PAMR1: variants seen among roughly 807,000 people sequenced by gnomAD.
The protein encoded by PAMR1 is peptidase domain containing associated with muscle regeneration 1.
Under a neutral mutation model 81.8 loss-of-function variants are expected in PAMR1, and 88 were observed. The ratio of observed to expected loss-of-function variants is 1.08; its 90% confidence interval spans 0.91 to 1.28. PAMR1 has a LOEUF of 1.28. PAMR1 is among the 50% of genes most tolerant of loss of function. The pLI, the probability that PAMR1 is intolerant of heterozygous loss-of-function variation, is 0.00. For synonymous variants in PAMR1, 336 were observed against 345.3 expected (o/e 0.97, Z 0.30); for missense variants, 935 against 919.7 (o/e 1.02, Z -0.21).
At chr11:35,487,707 C>T (rs754905631) in intron 3 of PAMR1, among the ~76,000 whole-genome samples, 4 of 152,214 alleles carry the variant, frequency 2.6e-5, no homozygotes, top group African/African-American at 9.6e-5. Flanking sequence ...CTCCCTACTT[C>T]CCAGAGAAAA....
rs1421578431 is a variant in PAMR1 at position 35,468,084 on chromosome 11, T to C, written c.737A>G (p.His246Arg). The change falls in exon 6 of 11, where the codon CAT (histidine) becomes CGT (arginine). Residue 246 changes from histidine to arginine, a missense_variant. Coordinates refer to ENST00000619888, the MANE Select transcript of PAMR1 (RefSeq NM_001001991.3). ...ITACSSSPCF[H>R]DGTCVLDKAG... ...CTTGTCAAGGACGCACGTGCCGTCA[T>C]GGAAACAAGGGGATGAGGAGCATGC... The C allele has an allele frequency of 3.2e-6, 5 of 1,554,434 alleles. No individual in the cohort carries two copies. Among genetic ancestry groups the C allele is most frequent in the Non-Finnish European group, 4.4e-6 (5 of 1,147,984 alleles).
intron 1 of PAMR1, among the ~76,000 whole-genome samples, chr11:35,504,298 G>T (rs1268860840): frequency 6.6e-6 from 1 of 152,002 alleles, no homozygotes; most frequent in Non-Finnish European, 1.5e-5. Flanking sequence ...GAAGTTATTT[G>T]CATCTGGGCT....
chr11:35,495,928 T>G (rs1287460921), intron 1 of PAMR1, among the ~76,000 whole-genome samples: 1 of 152,216 alleles, frequency 6.6e-6, no homozygotes, highest in African/African-American at 2.4e-5. Flanking sequence ...TTTAAATCAT[T>G]TTTCCACAAA....
At chr11:35,455,986 A>G (rs1413163877) in intron 6 of PAMR1, among the ~76,000 whole-genome samples, 1 of 152,080 alleles carries the variant, frequency 6.6e-6, no homozygotes, top group Non-Finnish European at 1.5e-5. Flanking sequence ...ATCTTTTTCA[A>G]TCAAAAAAGA....
chr11:35,503,979 T>C (rs1054243969), intron 1 of PAMR1, among the ~76,000 whole-genome samples: 3 of 152,146 alleles, frequency 2.0e-5, no homozygotes, highest in Non-Finnish European at 2.9e-5. Flanking sequence ...TCCATTTTTT[T>C]CCCCATTAAA....
chr11:35,494,363 T>A, intron 1 of PAMR1, 91 bp from the exon 2 acceptor site: 3 of 1,145,088 alleles, frequency 2.6e-6, no homozygotes, highest in Non-Finnish European at 3.8e-6. Context: ...AGACGGAGTC[T>A]TGCTCTGTCG....
intron 3 of PAMR1, among the ~76,000 whole-genome samples, chr11:35,476,720 G>A (rs1287056416): frequency 1.3e-5 from 2 of 152,050 alleles, no homozygotes; most frequent in East Asian, 3.9e-4. Context: ...AAATTAATCA[G>A]ATCACATTAT....
At chr11:35,495,031 A>G (rs1365363294) in intron 1 of PAMR1, among the ~76,000 whole-genome samples, 1 of 152,242 alleles carries the variant, frequency 6.6e-6, no homozygotes, top group East Asian at 1.9e-4. Flanking sequence ...ATAGCGAGCC[A>G]TTAAACTGCA....
intron 8 of PAMR1, among the ~76,000 whole-genome samples, chr11:35,436,656 TCACA>T (rs34951313): frequency 0.026 from 3,789 of 144,868 alleles, 103 homozygotes; most frequent in African/African-American, 0.076. Flanking sequence ...TCTCTCTCTG[TCACA>T]CACACACACA....
chr11:35,529,245 T>C (rs538171237), upstream of PAMR1, among the ~76,000 whole-genome samples: 2 of 152,336 alleles, frequency 1.3e-5, no homozygotes, highest in South Asian at 4.1e-4. Flanking sequence ...ATGCAGGTTT[T>C]TGAATAAGAG....
chr11:35,528,558 A>G (rs116130406), upstream of PAMR1, among the ~76,000 whole-genome samples: 742 of 152,340 alleles, frequency 4.9e-3, 4 homozygotes, highest in African/African-American at 0.017. Flanking sequence ...TGTAAGCACC[A>G]TGCACAAGTT....
intron 2 of PAMR1, among the ~76,000 whole-genome samples, chr11:35,493,183 C>A (rs890024813): frequency 5.3e-5 from 8 of 152,148 alleles, no homozygotes; most frequent in African/African-American, 1.9e-4. Flanking sequence ...TTATTAAGGT[C>A]CCCATTATTT....
At chr11:35,470,895 A>T in intron 4 of PAMR1, 77 bp from the exon 5 acceptor site, 1 of 992,448 alleles carries the variant, frequency 1.0e-6, no homozygotes, top group Non-Finnish European at 1.6e-6. Flanking sequence ...ATTCAAGGCC[A>T]GATGAGGAAC....
chr11:35,517,756 C>CA (rs1851193508), intron 1 of PAMR1, among the ~76,000 whole-genome samples: 2 of 152,204 alleles, frequency 1.3e-5, no homozygotes, highest in South Asian at 4.1e-4. Context: ...TCAGTTCTCT[C>CA]AGTAGATTGC....
At position 35,432,586 on chromosome 11, in the gene PAMR1, C is replaced by T; in HGVS notation, c.1933G>A (p.Asp645Asn). 6.2e-7 allele frequency: 1 copy of T among 1,614,128 alleles called. No homozygotes were observed. The highest frequency in any genetic ancestry group is 8.5e-7 in the Non-Finnish European group (1 of 1,179,994). ...TCCCAGCTGGCACAGAACATGTTAT[C>T]AGTGACACTCACTGGGATGCCATGG... ...EDHGIPVSVT[D>N]NMFCASWEPT... Residue 645 changes from aspartate (D) to asparagine (N), a missense_variant, in exon 11 of 11, where the codon GAT (aspartate) becomes AAT (asparagine). By Grantham distance (23) the Asp-to-Asn change is conservative (BLOSUM62 1). Coordinates refer to ENST00000619888, the MANE Select transcript of PAMR1 (RefSeq NM_001001991.3).
At chr11:35,490,799 A>G (rs1292408607) in intron 3 of PAMR1, among the ~76,000 whole-genome samples, 3 of 152,182 alleles carry the variant, frequency 2.0e-5, no homozygotes, top group African/African-American at 7.2e-5. Context: ...CCTCAAATCA[A>G]CCTTATGAAG....
chr11:35,435,960 T>A lies in PAMR1; in HGVS notation c.1276A>T (p.Arg426Trp), dbSNP rs769883360. Reference protein sequence around the residue: ...SPFYRRLGSSRRTCLRTGKWS... With the variant: ...SPFYRRLGSSWRTCLRTGKWS... ...TTCCCAGTCCTCAGACATGTCCTCC[T>A]GCTGCTGCCCAGGCGGCGGTAGAAG... Residue 426 changes from arginine to tryptophan, a missense_variant, in exon 9 of 11, where the codon AGG becomes TGG. Coordinates refer to ENST00000619888, the MANE Select transcript of PAMR1 (RefSeq NM_001001991.3). 6.2e-7 allele frequency: 1 copy of A among 1,614,208 alleles called. No individual in the cohort carries two copies. The highest frequency in any genetic ancestry group is 2.2e-5 in the East Asian group (1 of 44,868).
intron 3 of PAMR1, among the ~76,000 whole-genome samples, chr11:35,479,551 A>G (rs1285747375): frequency 6.6e-6 from 1 of 152,208 alleles, no homozygotes; most frequent in Non-Finnish European, 1.5e-5. Context: ...TGGTCCAGGA[A>G]TCACAGGGGA....
intron 1 of PAMR1, among the ~76,000 whole-genome samples, chr11:35,514,720 CT>C (rs1851131931): frequency 1.3e-5 from 2 of 152,318 alleles, no homozygotes; most frequent in African/African-American, 4.8e-5. Flanking sequence ...GGTGTGATGG[CT>C]CATGCCTGTA....
Sources: allele counts gnomAD v4.1 joint callset (sites outside exome capture counted in the v4.1 genomes callset), GRCh38; gene constraint gnomAD v4.1.1; transcripts MANE v1.5; gene names NCBI Gene and HGNC (gene_info 2026-07-23, HGNC 2026-07-21).